Variants in MAGI2 observed in about 807,000 individuals in gnomAD.
MAGI2 encodes the protein membrane-associated guanylate kinase, WW and PDZ domain-containing protein 2.
MAGI2 carries 35 observed loss-of-function variants against 133.3 expected under a neutral mutation model. That is an observed-to-expected ratio of 0.26 (90% CI 0.20 to 0.35). The LOEUF (loss-of-function observed/expected upper bound fraction) is 0.35, where lower values mean the gene tolerates loss of function less well. Ranked by LOEUF, MAGI2 falls within the 10% of genes least tolerant of loss-of-function variation. The probability of loss-of-function intolerance (pLI) is 1.00; values close to 1 mark genes in which losing one functional copy is unlikely to be tolerated. For synonymous variants in MAGI2, 729 were observed against 710.6 expected (o/e 1.03, Z -0.41); for missense variants, 1,636 against 1,863.4 (o/e 0.88, Z 2.25).
In MAGI2 at chr7:78,060,772, C is replaced by T. The variant is rs995570011; in HGVS notation, c.3706+18175G>A. Among the ~76,000 whole-genome samples, 4 of 152,122 alleles carry T rather than the reference C, an allele frequency of 2.6e-5. No homozygotes were observed. In the East Asian group the frequency reaches 5.8e-4, roughly 22 times the overall value. On this transcript the variant is annotated intron_variant, in intron 21 of 21. Transcript: ENST00000354212. ...GATGCAGGTCAATGACAAGTGTTCC[C>T]GTGTAACTGGAACACATCTATGTAA...
At chr7:78,755,185 T>G (rs767604742) in intron 2 of MAGI2, among the ~76,000 whole-genome samples, 5 of 152,188 alleles carry the variant, frequency 3.3e-5, no homozygotes, top group African/African-American at 1.2e-4. Flanking sequence ...GGAGAGACAC[T>G]AAATGATCCT....
chr7:78,192,357 G>C (rs10808143), intron 12 of MAGI2, among the ~76,000 whole-genome samples: 1 of 152,094 alleles, frequency 6.6e-6, no homozygotes, highest in Non-Finnish European at 1.5e-5. Flanking sequence ...GTTTCGGTAT[G>C]TACATTTTAT....
At chr7:78,525,631 A>G (rs1796886383) in intron 3 of MAGI2, among the ~76,000 whole-genome samples, 1 of 152,196 alleles carries the variant, frequency 6.6e-6, no homozygotes, top group South Asian at 2.1e-4. Flanking sequence ...AACCTCCACA[A>G]ACCCACAACA....
rs139883118 is a variant in MAGI2, at chr7:78,316,370, T to G, written c.1408+27408A>C. ...TCCTGCCCTTTCCTCTCCTTTATAT[T>G]GAAGGGATTATAAATGAAGCTCTTT... On this transcript the variant is annotated intron_variant, in intron 9 of 21. Transcript: ENST00000354212. Among the ~76,000 whole-genome samples the G allele has an allele frequency of 7.3e-3, 1,112 of 152,306 alleles. 51 individuals carry two copies. The highest frequency in any genetic ancestry group is 0.064 in the Admixed American group (983 of 15,284).
intron 1 of MAGI2, among the ~76,000 whole-genome samples, chr7:79,337,254 T>C (rs1483155898): frequency 2.0e-5 from 3 of 152,176 alleles, no homozygotes; most frequent in Non-Finnish European, 2.9e-5. Flanking sequence ...AAGCGATCTT[T>C]TTACTTTAAA....
chr7:78,913,739 T>C (rs545520725), intron 2 of MAGI2, among the ~76,000 whole-genome samples: 17 of 152,352 alleles, frequency 1.1e-4, no homozygotes, highest in African/African-American at 4.1e-4. Context: ...TAATTAGCAG[T>C]AATGATTTTA....
At chr7:78,470,782 T>A (rs1429198727) in intron 6 of MAGI2, among the ~76,000 whole-genome samples, 2 of 152,154 alleles carry the variant, frequency 1.3e-5, no homozygotes, top group Non-Finnish European at 2.9e-5. Flanking sequence ...AAAATTCCAA[T>A]CTATTGGCTG....
chr7:79,057,961 T>TA (rs1813314022), intron 1 of MAGI2, among the ~76,000 whole-genome samples: 1 of 43,886 alleles, frequency 2.3e-5, no homozygotes, highest in Non-Finnish European at 3.9e-5. Context: ...GCTCTATTAG[T>TA]TTTTTTTTTT....
intron 3 of MAGI2, chr7:78,614,927 G>A (rs956617302): frequency 3.3e-5 from 5 of 152,100 alleles, no homozygotes; most frequent in Admixed American, 2.0e-4. Context: ...TTTCTGGATA[G>A]CTCAGGGTCA....
intron 1 of MAGI2, among the ~76,000 whole-genome samples, chr7:79,108,241 A>G (rs1457556461): frequency 6.6e-6 from 1 of 152,202 alleles, no homozygotes; most frequent in Non-Finnish European, 1.5e-5. Flanking sequence ...AGAATGGGCT[A>G]GTCCTATCAA....
intron 1 of MAGI2, among the ~76,000 whole-genome samples, chr7:79,180,024 T>G (rs999152251): frequency 6.6e-6 from 1 of 151,942 alleles, no homozygotes; most frequent in Admixed American, 6.6e-5. Context: ...AAACTATTCA[T>G]CTAATAGGGG....
rs543964338 is a variant in MAGI2, at chr7:78,845,403, G to C, written c.418+161687C>G. Among the ~76,000 whole-genome samples, 5 of 151,832 alleles carry C rather than the reference G, an allele frequency of 3.3e-5. No individual in the cohort carries two copies. In the East Asian group the frequency reaches 9.7e-4, roughly 30 times the overall value. On this transcript the variant is annotated intron_variant, in intron 2 of 21. Transcript: ENST00000354212. ...GTTCTATCATTTTAATAAATTATGG[G>C]GGAGAGAAGGTCAGCTCTAAACACA...
chr7:78,352,002 G>T (rs544034265), intron 7 of MAGI2: 10 of 152,246 alleles, frequency 6.6e-5, no homozygotes, highest in African/African-American at 2.2e-4. Context: ...TTGTGCTTCA[G>T]AATTTTTCAC....
At chr7:78,796,772 T>C (rs943386263) in intron 2 of MAGI2, among the ~76,000 whole-genome samples, 4 of 152,126 alleles carry the variant, frequency 2.6e-5, no homozygotes, top group Non-Finnish European at 5.9e-5. Flanking sequence ...GTGGTATATA[T>C]ACATAATGGA....
At chr7:78,473,189 T>A (rs1791405178) in intron 6 of MAGI2, among the ~76,000 whole-genome samples, 1 of 152,076 alleles carries the variant, frequency 6.6e-6, no homozygotes, top group Non-Finnish European at 1.5e-5. Flanking sequence ...ATAAAGTGAC[T>A]CAAAGTGTTT....
intron 9 of MAGI2, among the ~76,000 whole-genome samples, chr7:78,297,771 T>A (rs550622148): frequency 1.1e-3 from 162 of 144,916 alleles, no homozygotes; most frequent in African/African-American, 3.9e-3. Flanking sequence ...TAGGTGGGAA[T>A]TGAACAGTGA....
intron 1 of MAGI2, among the ~76,000 whole-genome samples, chr7:79,137,357 T>C (rs1189291986): frequency 6.6e-6 from 1 of 152,006 alleles, no homozygotes; most frequent in East Asian, 1.9e-4. Flanking sequence ...CCATGGGAGC[T>C]CTTAATCCTG....
chr7:79,287,795 T>C (rs1372000766), intron 1 of MAGI2, among the ~76,000 whole-genome samples: 2 of 152,146 alleles, frequency 1.3e-5, no homozygotes, highest in African/African-American at 4.8e-5. Context: ...AAATAACTAA[T>C]AGATTACCAG....
chr7:78,336,014 A>T (rs1005504084), intron 9 of MAGI2, among the ~76,000 whole-genome samples: 10 of 152,222 alleles, frequency 6.6e-5, no homozygotes, highest in African/African-American at 2.4e-4. Flanking sequence ...AGACAACTGT[A>T]TAAGTGTATT....
Sources: gnomAD v4.1 joint callset for allele counts (sites outside exome capture counted in the v4.1 genomes callset) on GRCh38, gnomAD v4.1.1 for gene constraint, MANE v1.5 for transcripts, NCBI Gene and HGNC (gene_info 2026-07-23, HGNC 2026-07-21) for gene names.